GCM1: variants seen among roughly 807,000 people sequenced by gnomAD.
GCM1 encodes chorion-specific transcription factor GCMa.
In GCM1, 2 loss-of-function variants were observed where a neutral mutation model predicts 25.7. That is an observed-to-expected ratio of 0.08 (90% CI 0.03 to 0.24). The LOEUF is 0.24. Among genes scored for constraint, GCM1 ranks in the 10% least tolerant of loss-of-function variants. The pLI, the probability that GCM1 is intolerant of heterozygous loss-of-function variation, is 1.00. For synonymous variants in GCM1, 183 were observed against 195.7 expected (o/e 0.94, Z 0.54); for missense variants, 395 against 538.7 (o/e 0.73, Z 2.64).
chr6:53,128,364 G>C lies in GCM1; in HGVS notation c.1153C>G (p.Gln385Glu). ...YVQSPAYHSP[Q>E]EDPFLFTYAS... ...TAGGTGAAGAGAAAGGGGTCTTCTT[G>C]AGGTGAATGGTATGCAGGAGACTGG... The change falls in exon 6 of 6, where the codon CAA (glutamine) becomes GAA (glutamate). Residue 385 changes from glutamine to glutamate, a missense_variant. Transcript: ENST00000259803. The C allele has an allele frequency of 6.2e-7, 1 of 1,613,876 alleles. No individual in the cohort carries two copies.
chr6:53,130,946 G>A lies in GCM1; in HGVS notation c.442-15C>T. 6.2e-7 allele frequency: 1 copy of A among 1,609,958 alleles called. No individual in the cohort carries two copies. Among genetic ancestry groups the A allele is most frequent in the Non-Finnish European group, 8.5e-7 (1 of 1,176,420 alleles). ...TCTCCCTTTGACTTAAATGAGACAAGGAAGTAGAAAGGAAATGATATAACA... is the reference window on the plus strand; with the variant it reads ...TCTCCCTTTGACTTAAATGAGACAAAGAAGTAGAAAGGAAATGATATAACA... On this transcript the variant is annotated splice_polypyrimidine_tract_variant and intron_variant, in intron 4 of 5. Coordinates refer to ENST00000259803, the MANE Select transcript of GCM1 (RefSeq NM_003643.4).
intron 3 of GCM1, among the ~76,000 whole-genome samples, chr6:53,133,258 G>A (rs1407889271): frequency 1.3e-5 from 2 of 151,844 alleles, no homozygotes; most frequent in African/African-American, 2.4e-5. Flanking sequence ...TCCACCTTCT[G>A]GGTTCGAGTG....
At chr6:53,136,062 G>T (rs1311768816) in intron 2 of GCM1, among the ~76,000 whole-genome samples, 1 of 152,222 alleles carries the variant, frequency 6.6e-6, no homozygotes. Context: ...GAATGTCATG[G>T]GGCCTGAGGT....
chr6:53,135,068 T>C (rs1350842641), intron 2 of GCM1, among the ~76,000 whole-genome samples: 1 of 152,200 alleles, frequency 6.6e-6, no homozygotes, highest in Non-Finnish European at 1.5e-5. Context: ...ACTGAAAGCG[T>C]CTCTGTTATT....
In GCM1 at chr6:53,128,432, T is replaced by C. The variant is rs772167468; in HGVS notation, c.1085A>G (p.Asn362Ser). Residue 362 changes from asparagine to serine, a missense_variant, in exon 6 of 6, where the codon AAT (asparagine) becomes AGT (serine). Asn to Ser is a conservative substitution (Grantham distance 46, BLOSUM62 1). Around this residue, in one of 5 missense-constraint regions of GCM1, gnomAD observed 291 missense variants for 314.6 expected, o/e 0.92. Coordinates refer to ENST00000259803, the MANE Select transcript of GCM1 (RefSeq NM_003643.4). Reference sequence around the variant, plus strand: ...CACATGTACTTTCTCTTCATAAAGATTACCCGCTGGATTTGGCCATAATGG... The same window carrying C: ...CACATGTACTTTCTCTTCATAAAGACTACCCGCTGGATTTGGCCATAATGG... ...CPPLWPNPAG[N>S]LYEEKVHVDF... 1.2e-6 allele frequency: 2 copies of C among 1,614,070 alleles called. No homozygotes were observed. The highest frequency in any genetic ancestry group is 1.7e-6 in the Non-Finnish European group (2 of 1,179,948).
At chr6:53,136,297 C>T (rs545888399) in intron 2 of GCM1, among the ~76,000 whole-genome samples, 1 of 152,320 alleles carries the variant, frequency 6.6e-6, no homozygotes, top group East Asian at 1.9e-4. Flanking sequence ...ACAAAGACTA[C>T]AATATTTACT....
In GCM1 at chr6:53,128,258, C is replaced by T; in HGVS notation, c.1259G>A (p.Gly420Asp). ...WDFEEEMTYL[G>D]LDHCNNDMLL... is the part of the protein sequence containing the mutation. ...CATATCATTGTTGCAGTGATCCAAA[C>T]CCAAGTATGTCATTTCTTCCTCAAA... The change falls in exon 6 of 6, where the codon GGT becomes GAT. Residue 420 changes from glycine (G) to aspartate (D), a missense_variant. Transcript: ENST00000259803. 1 of 1,612,930 alleles carries T rather than the reference C, an allele frequency of 6.2e-7. No individual in the cohort carries two copies.
At chr6:53,142,845 A>AAAAGGT (rs891907372) in intron 2 of GCM1, among the ~76,000 whole-genome samples, 1 of 146,078 alleles carries the variant, frequency 6.8e-6, no homozygotes, top group Non-Finnish European at 1.5e-5. Context: ...GAAGTTTCAG[A>AAAAGGT]AAAGGTAAAC....
chr6:53,138,888 C>T (rs367910870), intron 2 of GCM1, among the ~76,000 whole-genome samples: 9 of 152,320 alleles, frequency 5.9e-5, no homozygotes, highest in African/African-American at 1.9e-4. Flanking sequence ...CCTTCATACT[C>T]ACCTCATTCT....
intron 2 of GCM1, among the ~76,000 whole-genome samples, chr6:53,137,950 G>A (rs1018184841): frequency 6.6e-6 from 1 of 151,948 alleles, no homozygotes. Context: ...TTTTCTGACA[G>A]TCCCTCCACT....
Position 53,128,065 on chromosome 6 carries a change from G to GA in GCM1, c.*140dup. 4.5e-6 allele frequency: 1 copy of GA among 222,856 alleles called. No individual in the cohort carries two copies. The highest frequency in any genetic ancestry group is 7.3e-5 in the Admixed American group (1 of 13,648). The allele number at this position is 222,856 out of a possible 1,614,324, so 13.8% of individuals were successfully genotyped here. ...AAAAAAAAAAAAAAGAAGGAAAAAA[G>GA]AAAAAGAAAAAAGCCTTGTCTACTG... On this transcript the variant is annotated 3_prime_UTR_variant, in exon 6 of 6. Transcript: ENST00000259803.
chr6:53,146,965 T>C (rs1046088415), intron 1 of GCM1, among the ~76,000 whole-genome samples: 4 of 151,990 alleles, frequency 2.6e-5, no homozygotes, highest in Admixed American at 2.6e-4. Context: ...GCCCAGGAGG[T>C]TGAGGCTGCA....
At position 53,130,839 on chromosome 6, in the gene GCM1, G is replaced by T; in HGVS notation, c.534C>A (p.Ser178=). 2 of 1,613,686 alleles carry T rather than the reference G, an allele frequency of 1.2e-6. No homozygotes were observed. The highest frequency in any genetic ancestry group is 1.7e-6 in the Non-Finnish European group (2 of 1,179,618). ...AMKKVNTAPS[S]VSLSLKGSTE... ...TGCTCCCCTTCAGGCTCAATGAGAC[G>T]GAGGAAGGTGCTGTGTTCACTTTCT... Residue 178 remains serine (S), a synonymous_variant, in exon 5 of 6, where the codon TCC becomes TCA. Coordinates refer to ENST00000259803, the MANE Select transcript of GCM1 (RefSeq NM_003643.4).
chr6:53,129,272 CT>C (rs11342377), intron 5 of GCM1, among the ~76,000 whole-genome samples: 113,655 of 119,486 alleles, frequency 0.95, 53,977 homozygotes, highest in Middle Eastern at 0.97. Context: ...TTTATTTATT[CT>C]TTTTTTTTTT....
rs140778484 is a variant in GCM1 at position 53,128,831 on chromosome 6, T to C, written c.686A>G (p.Gln229Arg). The change falls in exon 6 of 6, where the codon CAG (glutamine) becomes CGG (arginine). Residue 229 changes from glutamine to arginine, a missense_variant. Coordinates refer to ENST00000259803, the MANE Select transcript of GCM1 (RefSeq NM_003643.4). ...GGAAAAGCAATCATTTAGTGAGTTCTGCTGAGGAGTGTTAGCTATTAAATG... is the reference window on the plus strand; with the variant it reads ...GGAAAAGCAATCATTTAGTGAGTTCCGCTGAGGAGTGTTAGCTATTAAATG... ...SGHLIANTPQ[Q>R]NSLNDCFSFS... is the part of the protein sequence containing the mutation. The C allele has an allele frequency of 1.9e-6, 3 of 1,613,602 alleles. No homozygotes were observed. The highest frequency in any genetic ancestry group is 2.5e-6 in the Non-Finnish European group (3 of 1,179,596).
At chr6:53,135,389 C>A (rs1173904590) in intron 2 of GCM1, among the ~76,000 whole-genome samples, 2 of 152,182 alleles carry the variant, frequency 1.3e-5, no homozygotes, top group Non-Finnish European at 2.9e-5. Flanking sequence ...TCTGTTTCTT[C>A]ATCTGTAATG....
rs183745382 is a variant in GCM1 at position 53,130,443 on chromosome 6, C to T, written c.570+360G>A. 1.3e-4 allele frequency among the ~76,000 whole-genome samples: 20 copies of T among 152,024 alleles called. No individual in the cohort carries two copies. In the East Asian group the frequency reaches 2.3e-3, roughly 18 times the overall value. The stretch of plus-strand genomic sequence containing the variant: ...GGGGACGTATGGAAATTCAGGAGGG[C>T]GGGGAGGGGGCAGGCGGTGAAATGC... On this transcript the variant is annotated intron_variant, in intron 5 of 5. Transcript: ENST00000259803.
chr6:53,140,463 A>G (rs1165695504), intron 2 of GCM1, among the ~76,000 whole-genome samples: 1 of 151,758 alleles, frequency 6.6e-6, no homozygotes, highest in Non-Finnish European at 1.5e-5. Context: ...CCAGGAATGA[A>G]CTAATCAGAA....
intron 1 of GCM1, among the ~76,000 whole-genome samples, chr6:53,146,194 T>TATATATATA (rs1562092511): frequency 3.0e-5 from 3 of 100,942 alleles, no homozygotes; most frequent in African/African-American, 1.2e-4. Context: ...CATATATGTT[T>TATATATATA]TATATATATA....
Sources: allele counts gnomAD v4.1 joint callset (sites outside exome capture counted in the v4.1 genomes callset), GRCh38; gene constraint gnomAD v4.1.1; regional missense constraint gnomAD v4.1.1; transcripts MANE v1.5; gene names NCBI Gene and HGNC (gene_info 2026-07-23, HGNC 2026-07-21).